Variants in TXLNG observed in about 807,000 individuals in gnomAD.
The protein encoded by TXLNG is taxilin gamma, also known as gamma-taxilin.
In TXLNG, 5 loss-of-function variants were observed where a neutral mutation model predicts 38.8. That is an observed-to-expected ratio of 0.13 (90% CI 0.07 to 0.27). The LOEUF (loss-of-function observed/expected upper bound fraction) is 0.27, where lower values mean the gene tolerates loss of function less well. TXLNG is among the 10% of genes least tolerant of loss of function. TXLNG has a pLI of 1.00. For synonymous variants in TXLNG, 182 were observed against 158.2 expected (o/e 1.15, Z -1.13); for missense variants, 393 against 398.2 (o/e 0.99, Z 0.11).
chrX:16,804,085 A>G (rs892024245), intron 1 of TXLNG, among the ~76,000 whole-genome samples: 1 of 112,621 alleles, frequency 8.9e-6, no homozygotes, highest in Non-Finnish European at 1.9e-5. Flanking sequence ...TAGGTCCGCA[A>G]TCCACACAAA....
chrX:16,794,463 A>G (rs1320207122), intron 1 of TXLNG, among the ~76,000 whole-genome samples: 1 of 111,573 alleles, frequency 9.0e-6, no homozygotes, highest in Non-Finnish European at 1.9e-5. Context: ...CCATGCTACA[A>G]CTTCCTGCAA....
At chrX:16,820,910 A>T (rs1278490713) in intron 3 of TXLNG, among the ~76,000 whole-genome samples, 1 of 110,377 alleles carries the variant, frequency 9.1e-6, no homozygotes, top group Non-Finnish European at 1.9e-5. Context: ...CTGGGACTAC[A>T]TGTGCTCGCC....
intron 3 of TXLNG, among the ~76,000 whole-genome samples, chrX:16,824,730 A>G (rs953484529): frequency 8.6e-5 from 9 of 104,479 alleles, no homozygotes; most frequent in Non-Finnish European, 1.6e-4. Context: ...CAGCCTGTCC[A>G]ATATGGTGAA....
chrX:16,809,436 C>T (rs769298151), intron 1 of TXLNG, among the ~76,000 whole-genome samples: 314 of 106,537 alleles, frequency 2.9e-3, no homozygotes, highest in Non-Finnish European at 4.8e-3. Flanking sequence ...CTCCGCCTCC[C>T]GGGTTCAAGC....
chrX:16,824,183 G>A (rs1929084950), intron 3 of TXLNG, among the ~76,000 whole-genome samples: 1 of 111,376 alleles, frequency 9.0e-6, no homozygotes. Context: ...CCTGGGCAAC[G>A]TCGCAAGACC....
chrX:16,823,578 T>G (rs1357027610), intron 3 of TXLNG, among the ~76,000 whole-genome samples: 1 of 110,866 alleles, frequency 9.0e-6, no homozygotes, highest in Non-Finnish European at 1.9e-5. Flanking sequence ...ATCACTGTCT[T>G]CTGCCCGTTT....
At chrX:16,802,244 C>T (rs1321919077) in intron 1 of TXLNG, among the ~76,000 whole-genome samples, 2 of 90,251 alleles carry the variant, frequency 2.2e-5, no homozygotes, top group African/African-American at 4.1e-5. Flanking sequence ...GGCGAGCCAC[C>T]GCACCTGGCC....
At position 16,841,641 on chromosome X, in the gene TXLNG, G is replaced by T. The variant is rs766963078; in HGVS notation, c.1462G>T (p.Glu488Ter). The change falls in exon 10 of 10, where the codon GAG (glutamate) becomes TAG (stop). Residue 488 changes from glutamate (E) to a stop codon, truncating the protein, a stop_gained. Transcript: ENST00000380122. LOFTEE classifies it low-confidence loss of function (END_TRUNC). ...QPCTALDSHK[E>*]LNTSSKRALG... ...CTGTACTGCCCTGGATTCTCACAAGGAGCTGAACACTTCCTCGAAAAGAGC... is the reference window on the plus strand; with the variant it reads ...CTGTACTGCCCTGGATTCTCACAAGTAGCTGAACACTTCCTCGAAAAGAGC... The T allele has an allele frequency of 2.5e-6, 3 of 1,211,601 alleles. No homozygotes were observed. Among genetic ancestry groups the T allele is most frequent in the Admixed American group, 2.2e-5 (1 of 45,982 alleles).
chrX:16,807,883 G>T (rs1928385992), intron 1 of TXLNG, among the ~76,000 whole-genome samples: 1 of 111,839 alleles, frequency 8.9e-6, no homozygotes, highest in African/African-American at 3.2e-5. Context: ...AGAAGGGAAA[G>T]AAACCTAAAA....
At chrX:16,790,869 T>G (rs1221337428) in intron 1 of TXLNG, among the ~76,000 whole-genome samples, 1 of 111,883 alleles carries the variant, frequency 8.9e-6, no homozygotes, top group Admixed American at 9.6e-5. Context: ...AACCCAATAC[T>G]CTTTCATCTA....
At chrX:16,822,182 C>CAA (rs753707371) in intron 3 of TXLNG, among the ~76,000 whole-genome samples, 30 of 102,118 alleles carry the variant, frequency 2.9e-4, no homozygotes, top group African/African-American at 1.1e-3. Flanking sequence ...ACTAAAAATA[C>CAA]AAAAAAAAAT....
chrX:16,809,803 C>CAT (rs1569265099), intron 1 of TXLNG, among the ~76,000 whole-genome samples: 2 of 111,726 alleles, frequency 1.8e-5, no homozygotes, highest in African/African-American at 3.3e-5. Flanking sequence ...CATCTGTATA[C>CAT]ATATATATAG....
chrX:16,838,475 G>C (rs1004138624), intron 8 of TXLNG, among the ~76,000 whole-genome samples: 4 of 111,987 alleles, frequency 3.6e-5, no homozygotes, highest in African/African-American at 1.3e-4. Context: ...TAGAACGTGT[G>C]ACTATGGACA....
intron 5 of TXLNG, 116 bp from the exon 6 acceptor site, chrX:16,832,501 TTAGCTG>T: frequency 1.1e-6 from 1 of 944,774 alleles, no homozygotes; most frequent in Non-Finnish European, 1.5e-6. Flanking sequence ...GCTGGTGTTC[TTAGCTG>T]CAGTGGTAGT....
intron 5 of TXLNG, among the ~76,000 whole-genome samples, chrX:16,831,614 T>C (rs1929415120): frequency 8.9e-6 from 1 of 112,508 alleles, no homozygotes; most frequent in African/African-American, 3.2e-5. Flanking sequence ...ATTTTCTTTT[T>C]ATTAGATTAT....
intron 5 of TXLNG, 74 bp downstream of exon 5, chrX:16,829,844 C>T (rs1929320533): frequency 9.6e-7 from 1 of 1,046,397 alleles, no homozygotes; most frequent in African/African-American, 1.9e-5. Flanking sequence ...TAAAGTAAAA[C>T]TGCTGTCACG....
At chrX:16,788,400 ATTC>A (rs1340824425) in intron 1 of TXLNG, among the ~76,000 whole-genome samples, 4 of 112,096 alleles carry the variant, frequency 3.6e-5, no homozygotes, top group East Asian at 5.6e-4. Context: ...CTCATACTCC[ATTC>A]TTCTTTGCTT....
chrX:16,841,579 C>T lies in TXLNG; in HGVS notation c.1400C>T (p.Ala467Val), dbSNP rs758588412. The T allele has an allele frequency of 6.6e-6, 8 of 1,211,441 alleles. No homozygotes were observed. Among genetic ancestry groups the T allele is most frequent in the East Asian group, 5.9e-5 (2 of 33,833 alleles). ...EQVSIKAAIK[A>V]ANRDLATPVM... ...GTATCCATCAAAGCGGCCATCAAAG[C>T]GGCGAACAGGGATTTAGCAACACCT... The change falls in exon 10 of 10, where the codon GCG becomes GTG. Residue 467 changes from alanine (A) to valine (V), a missense_variant. Physicochemically the swap from Ala to Val is moderately conservative, Grantham distance 64. Coordinates refer to ENST00000380122, the MANE Select transcript of TXLNG (RefSeq NM_018360.3).
At chrX:16,812,446 T>C (rs1928556875) in intron 1 of TXLNG, among the ~76,000 whole-genome samples, 1 of 104,376 alleles carries the variant, frequency 9.6e-6, no homozygotes, top group Admixed American at 1.0e-4. Flanking sequence ...CAGGCTGGAA[T>C]GCAGTGGCGC....
Sources: gnomAD v4.1 joint callset for allele counts (sites outside exome capture counted in the v4.1 genomes callset) on GRCh38, gnomAD v4.1.1 for gene constraint, MANE v1.5 for transcripts, NCBI Gene and HGNC (gene_info 2026-07-23, HGNC 2026-07-21) for gene names.